The following SORBS2 variants were observed in gnomAD, a reference collection of about 807,000 sequenced individuals.
SORBS2 encodes sorbin and SH3 domain containing 2.
A neutral mutation model predicts 97.7 loss-of-function variants in SORBS2; 46 were observed. The observed-to-expected ratio is 0.47, with a 90% CI of 0.37 to 0.60. The LOEUF is 0.60. Among genes scored for constraint, SORBS2 ranks in the 20% least tolerant of loss-of-function variants. The probability of loss-of-function intolerance (pLI) is 0.00; values close to 1 mark genes in which losing one functional copy is unlikely to be tolerated. For missense variants in SORBS2, 1,316 were observed against 1,282.3 expected, an observed-to-expected ratio of 1.03 and a Z score of -0.40; for synonymous variants, 476 against 473.4, an observed-to-expected ratio of 1.01 and a Z score of -0.07.
chr4:185,610,808 T>C (rs1225479292), intron 12 of SORBS2, among the ~76,000 whole-genome samples: 33 of 152,156 alleles, frequency 2.2e-4, no homozygotes. Flanking sequence ...TCAATTAAAA[T>C]AATTAATAAA....
chr4:185,728,952 A>G (rs757674992), intron 2 of SORBS2, among the ~76,000 whole-genome samples: 1 of 152,258 alleles, frequency 6.6e-6, no homozygotes, highest in Admixed American at 6.5e-5. Context: ...AAGTGGAAGA[A>G]TGAATGAAGT....
At chr4:185,771,365 G>A (rs189551019) in intron 2 of SORBS2, 2 of 152,250 alleles carry the variant, frequency 1.3e-5, no homozygotes, top group African/African-American at 4.8e-5. Context: ...ACCTTGATAT[G>A]GTTAGTGAGA....
intron 8 of SORBS2, 78 bp from the exon 21 acceptor site, chr4:185,618,709 G>T: frequency 1.2e-6 from 1 of 836,298 alleles, no homozygotes; most frequent in Non-Finnish European, 1.9e-6. Flanking sequence ...GTGCCTTAAA[G>T]AAAAAGGAAA....
chr4:185,718,697 C>T (rs1354451959), intron 2 of SORBS2, among the ~76,000 whole-genome samples: 2 of 152,172 alleles, frequency 1.3e-5, no homozygotes, highest in African/African-American at 2.4e-5. Context: ...CAAAACAATG[C>T]ACTTCTTTGG....
chr4:185,689,265 T>G (rs529699410), intron 2 of SORBS2, among the ~76,000 whole-genome samples: 48 of 152,116 alleles, frequency 3.2e-4, no homozygotes, highest in Non-Finnish European at 6.0e-4. Context: ...TACAGGGAAA[T>G]GTCTTGGAAG....
intron 1 of SORBS2, among the ~76,000 whole-genome samples, chr4:185,877,536 A>G (rs2099234277): frequency 6.6e-6 from 1 of 152,128 alleles, no homozygotes; most frequent in African/African-American, 2.4e-5. Flanking sequence ...ATAATCATAT[A>G]CTGAAAAGAT....
intron 3 of SORBS2, 113 bp downstream of exon 12, chr4:185,649,354 G>T: frequency 1.2e-6 from 1 of 863,352 alleles, no homozygotes; most frequent in Non-Finnish European, 1.7e-6. Context: ...AGACTAGCAA[G>T]ATTACACATC....
At chr4:185,631,428 A>T (rs139948481) in intron 4 of SORBS2, among the ~76,000 whole-genome samples, 1 of 152,228 alleles carries the variant, frequency 6.6e-6, no homozygotes, top group Non-Finnish European at 1.5e-5. Flanking sequence ...ACACTGAGCT[A>T]TCAAGTGTTT....
At chr4:185,853,797 A>C (rs1194133808) in intron 1 of SORBS2, among the ~76,000 whole-genome samples, 1 of 152,230 alleles carries the variant, frequency 6.6e-6, no homozygotes, top group African/African-American at 2.4e-5. Context: ...ACCTGGAATG[A>C]GTTTTGAGGA....
chr4:185,792,190 C>T (rs369290300), intron 1 of SORBS2, among the ~76,000 whole-genome samples: 38 of 152,200 alleles, frequency 2.5e-4, no homozygotes, highest in African/African-American at 7.2e-4. Context: ...ATTTTCATAA[C>T]GTTAAGTAGA....
chr4:185,707,736 A>G (rs2098365808), intron 2 of SORBS2, among the ~76,000 whole-genome samples: 2 of 152,188 alleles, frequency 1.3e-5, no homozygotes, highest in Non-Finnish European at 2.9e-5. Context: ...GGCAGAAGGC[A>G]AAGGGCATCT....
chr4:185,585,762 T>C (rs1399388237), exon 15 of SORBS2: 1 of 152,230 alleles, frequency 6.6e-6, no homozygotes, highest in African/African-American at 2.4e-5. Context: ...TGCATGCAGT[T>C]GACTTAATTT....
intron 1 of SORBS2, among the ~76,000 whole-genome samples, chr4:185,844,809 T>C (rs947303559): frequency 6.6e-6 from 1 of 152,196 alleles, no homozygotes; most frequent in Non-Finnish European, 1.5e-5. Context: ...TGCTCCAAGA[T>C]GTAGAAACCT....
rs1396812555 is a variant in SORBS2 at position 185,623,073 on chromosome 4, G to T, written c.2056C>A (p.Pro686Thr). 3 of 1,614,118 alleles carry T rather than the reference G, an allele frequency of 1.9e-6. No homozygotes were observed. The highest frequency in any genetic ancestry group is 2.5e-6 in the Non-Finnish European group (3 of 1,180,024). ...AGTGGGTGGAGAGGCTGGTGCAGGG[G>T]GCTCCTCCTCAGCGCTCTCAGGGAT... Residue 686 changes from proline (P) to threonine (T), a missense_variant, in exon 7 of 15, where the codon CCC becomes ACC. By Grantham distance (38) the Pro-to-Thr change is conservative (BLOSUM62 -1). Transcript: ENST00000418609. This position sits in a 1 kb window ranked among gnomAD's most constrained non-coding sequence, Gnocchi z 6.4.
At position 185,592,366 on chromosome 4, in the gene SORBS2, G is replaced by A. The variant is rs976472435; in HGVS notation, c.2846+1520C>T. Among the ~76,000 whole-genome samples, 42 of 152,270 alleles carry A rather than the reference G, an allele frequency of 2.8e-4. 2 individuals are homozygous for A. The highest frequency in any genetic ancestry group is 8.2e-4 in the African/African-American group (34 of 41,564). ...ATATACAAATCAGGACTTTGAAAAT[G>A]TAACATATCTTTCATTCATAAACAC... On this transcript the variant is annotated intron_variant, in intron 13 of 14. Coordinates refer to ENST00000418609, the Ensembl canonical transcript of SORBS2.
At chr4:185,608,511 ATACT>A (rs201180453) in intron 12 of SORBS2, among the ~76,000 whole-genome samples, 2 of 117,496 alleles carry the variant, frequency 1.7e-5, no homozygotes, top group South Asian at 2.3e-4. Flanking sequence ...GAAGTAAAAT[ATACT>A]TACTTCTACA....
chr4:185,815,872 A>AT (rs2099192972), intron 1 of SORBS2, among the ~76,000 whole-genome samples: 1 of 152,190 alleles, frequency 6.6e-6, no homozygotes, highest in Non-Finnish European at 1.5e-5. Context: ...TATAAGTTTG[A>AT]TTTGTTTTCA....
chr4:185,590,301 T>A (rs1324080619), intron 13 of SORBS2, among the ~76,000 whole-genome samples: 1 of 152,222 alleles, frequency 6.6e-6, no homozygotes, highest in African/African-American at 2.4e-5. Context: ...ACAAAATGTG[T>A]CAGACATGTC....
chr4:185,678,854 T>C, intron 2 of SORBS2, 32 bp from the exon 6 acceptor site: 1 of 1,332,330 alleles, frequency 7.5e-7, no homozygotes, highest in Non-Finnish European at 1.0e-6. Context: ...AAATTAAGAC[T>C]AAGGTGAAAT....
Sources: allele counts gnomAD v4.1 joint callset (sites outside exome capture counted in the v4.1 genomes callset), GRCh38; gene constraint gnomAD v4.1.1; non-coding constraint Gnocchi (gnomAD v3.1); transcripts MANE v1.5; gene names NCBI Gene and HGNC (gene_info 2026-07-23, HGNC 2026-07-21).